The following PDE3B variants were observed in gnomAD, a reference collection of about 807,000 sequenced individuals.
PDE3B encodes the protein cGMP-inhibited 3',5'-cyclic phosphodiesterase 3B.
A neutral mutation model predicts 116.8 loss-of-function variants in PDE3B; 66 were observed. The observed-to-expected ratio is 0.56, with a 90% CI of 0.46 to 0.69. The LOEUF (loss-of-function observed/expected upper bound fraction) is 0.69, where lower values mean the gene tolerates loss of function less well. Among genes scored for constraint, PDE3B ranks in the 30% least tolerant of loss-of-function variants. The pLI is 0.00. For synonymous variants in PDE3B, 595 were observed against 533.6 expected (o/e 1.12, Z -1.59); for missense variants, 1,384 against 1,368.1 (o/e 1.01, Z -0.18).
chr11:14,682,980 C>G (rs1259759733), intron 1 of PDE3B, among the ~76,000 whole-genome samples: 1 of 151,014 alleles, frequency 6.6e-6, no homozygotes, highest in African/African-American at 2.4e-5. Context: ...TCTTGTTGTC[C>G]AGGCTGGAGT....
At chr11:14,809,423 A>T (rs1030654702) in intron 5 of PDE3B, among the ~76,000 whole-genome samples, 9 of 152,254 alleles carry the variant, frequency 5.9e-5, no homozygotes, top group Non-Finnish European at 7.3e-5. Flanking sequence ...AGTAGTATTC[A>T]TATGCCATGA....
At position 14,871,949 on chromosome 11, in the gene PDE3B, T is replaced by G. The variant is rs1370766819; in HGVS notation, c.*2289T>G. 1.3e-5 allele frequency: 2 copies of G among 152,232 alleles called. No homozygotes were observed. The highest frequency in any genetic ancestry group is 2.9e-5 in the Non-Finnish European group (2 of 68,028). The allele number at this position is 152,232 out of a possible 1,614,324, so 9.4% of individuals were successfully genotyped here. ...ATAATAATTTTCATCATAAATTTTCTATTTTTAAAGCCGCTGGTACTAGAA... is the reference window on the plus strand; with the variant it reads ...ATAATAATTTTCATCATAAATTTTCGATTTTTAAAGCCGCTGGTACTAGAA... On this transcript the variant is annotated 3_prime_UTR_variant, in exon 16 of 16. Transcript: ENST00000282096.
intron 1 of PDE3B, among the ~76,000 whole-genome samples, chr11:14,661,402 A>G (rs1249783650): frequency 1.3e-5 from 2 of 152,204 alleles, no homozygotes; most frequent in Admixed American, 1.3e-4. Context: ...TGATTTCTGC[A>G]TTTCCATCTG....
chr11:14,864,022 A>C (rs1847997381), intron 14 of PDE3B, among the ~76,000 whole-genome samples: 1 of 152,250 alleles, frequency 6.6e-6, no homozygotes, highest in African/African-American at 2.4e-5. Flanking sequence ...AATTGGATAA[A>C]GAGTTAAGAC....
intron 12 of PDE3B, among the ~76,000 whole-genome samples, chr11:14,850,508 AAAG>A (rs1227019780): frequency 6.6e-6 from 1 of 152,166 alleles, no homozygotes; most frequent in Non-Finnish European, 1.5e-5. Context: ...ATTAAAAAAA[AAAG>A]ATTTCTGCTC....
chr11:14,686,517 T>G (rs1451671791), intron 1 of PDE3B, among the ~76,000 whole-genome samples: 1 of 152,186 alleles, frequency 6.6e-6, no homozygotes, highest in African/African-American at 2.4e-5. Flanking sequence ...GGATAAGTTA[T>G]TTTAACCTGA....
At chr11:14,675,761 A>G (rs1854514816) in intron 1 of PDE3B, among the ~76,000 whole-genome samples, 2 of 152,126 alleles carry the variant, frequency 1.3e-5, no homozygotes, top group Admixed American at 6.5e-5. Flanking sequence ...TTTATTTATT[A>G]TTCTGTCACA....
chr11:14,679,400 G>A (rs1459390243), intron 1 of PDE3B, among the ~76,000 whole-genome samples: 2 of 151,902 alleles, frequency 1.3e-5, no homozygotes, highest in African/African-American at 4.8e-5. Context: ...CACCTTTGTT[G>A]CTTCATTCTT....
At chr11:14,851,081 C>T (rs1156842468) in intron 12 of PDE3B, among the ~76,000 whole-genome samples, 1 of 151,694 alleles carries the variant, frequency 6.6e-6, no homozygotes, top group Non-Finnish European at 1.5e-5. Context: ...CCTTGGCCTC[C>T]CAAAGTGCTG....
intron 1 of PDE3B, among the ~76,000 whole-genome samples, chr11:14,695,914 T>C (rs777514717): frequency 3.3e-5 from 5 of 152,318 alleles, no homozygotes; most frequent in South Asian, 4.1e-4. Context: ...CAGTCTATCA[T>C]TGATGGGCAT....
intron 5 of PDE3B, among the ~76,000 whole-genome samples, chr11:14,806,666 C>T (rs1275914438): frequency 2.7e-5 from 4 of 150,636 alleles, no homozygotes; most frequent in East Asian, 2.0e-4. Context: ...GAGACCATCC[C>T]GGCTAAAATG....
At chr11:14,891,703 G>C in the PDE3B span, 3 of 1,234,528 alleles carry the variant, frequency 2.4e-6, no homozygotes, top group Non-Finnish European at 3.0e-6. Context: ...GCAGGAGCAA[G>C]AGCTCGAGCG....
At chr11:14,887,552 A>G in the PDE3B span, 1 of 962,918 alleles carries the variant, frequency 1.0e-6, no homozygotes, top group Non-Finnish European at 1.2e-6. Context: ...GATTTATTCA[A>G]TAATTTTAGT....
chr11:14,725,420 CCCTT>C lies in PDE3B; in HGVS notation c.979-46502_979-46499del, dbSNP rs374827753. ...GCTTCCTTCTTTCTCTTTTTCTTTT[CCCTT>C]CCTTCCTTCCTTCCCTCCCTCCACC... On this transcript the variant is annotated intron_variant, in intron 1 of 15. Coordinates refer to ENST00000282096, the MANE Select transcript of PDE3B (RefSeq NM_000922.4). Among the ~76,000 whole-genome samples the C allele has an allele frequency of 1.8e-3, 253 of 139,668 alleles. 1 individual carries two copies. The highest frequency in any genetic ancestry group is 5.2e-3 in the African/African-American group (194 of 37,088). The allele number at this position is 139,668 out of a possible 152,430, so 91.6% of individuals were successfully genotyped here.
At chr11:14,888,522 C>A in the PDE3B span, among the ~76,000 whole-genome samples, 4 of 152,186 alleles carry the variant, frequency 2.6e-5, no homozygotes, top group East Asian at 7.7e-4. Flanking sequence ...GACTGCCATA[C>A]TACCCTAACC....
chr11:14,737,440 C>T (rs1467685471), intron 1 of PDE3B, among the ~76,000 whole-genome samples: 1 of 151,688 alleles, frequency 6.6e-6, no homozygotes, highest in East Asian at 2.0e-4. Context: ...CCTCGTGATC[C>T]GCCAGCCTTG....
chr11:14,717,992 C>G (rs1397707385), intron 1 of PDE3B, among the ~76,000 whole-genome samples: 1 of 148,782 alleles, frequency 6.7e-6, no homozygotes, highest in Non-Finnish European at 1.5e-5. Flanking sequence ...GATAAAGAGT[C>G]AAGACCCATC....
At chr11:14,742,468 C>G (rs1322447838) in intron 1 of PDE3B, among the ~76,000 whole-genome samples, 1 of 152,134 alleles carries the variant, frequency 6.6e-6, no homozygotes, top group African/African-American at 2.4e-5. Flanking sequence ...ACTGGTTATT[C>G]TAGTTAGCAA....
chr11:14,812,445 G>T (rs113556418), intron 5 of PDE3B, among the ~76,000 whole-genome samples: 158 of 152,060 alleles, frequency 1.0e-3, no homozygotes, highest in Non-Finnish European at 1.6e-3. Context: ...ATGAAAATAG[G>T]ACTTATTAAA....
Sources: allele counts gnomAD v4.1 joint callset (sites outside exome capture counted in the v4.1 genomes callset), GRCh38; gene constraint gnomAD v4.1.1; transcripts MANE v1.5; gene names NCBI Gene and HGNC (gene_info 2026-07-23, HGNC 2026-07-21).